The following CFAP299 variants were observed in gnomAD, a reference collection of about 807,000 sequenced individuals.
CFAP299 encodes the protein cilia and flagella associated protein 299.
CFAP299 carries 21 observed loss-of-function variants against 27.0 expected under a neutral mutation model. The observed-to-expected ratio is 0.78, with a 90% CI of 0.55 to 1.12. The LOEUF (loss-of-function observed/expected upper bound fraction) is 1.12. Among genes scored for constraint, CFAP299 ranks in the 50% most tolerant of loss-of-function variants. The pLI is 0.00. For synonymous variants in CFAP299, 104 were observed against 98.1 expected, an observed-to-expected ratio of 1.06 and a Z score of -0.36; for missense variants, 310 against 276.6, an observed-to-expected ratio of 1.12 and a Z score of -0.86.
chr4:80,916,786 C>G (rs972425217), intron 4 of CFAP299, among the ~76,000 whole-genome samples: 1 of 151,838 alleles, frequency 6.6e-6, no homozygotes, highest in Non-Finnish European at 1.5e-5. Flanking sequence ...GCCAAACTGC[C>G]AGTTACAATT....
chr4:80,884,648 G>A (rs1290063358), intron 4 of CFAP299, among the ~76,000 whole-genome samples: 14 of 29,802 alleles, frequency 4.7e-4, no homozygotes, highest in South Asian at 2.1e-3. Context: ...ATTATATAGC[G>A]AATACCAAAA....
chr4:80,437,342 C>G (rs557804566), intron 2 of CFAP299, among the ~76,000 whole-genome samples: 28 of 152,226 alleles, frequency 1.8e-4, no homozygotes, highest in South Asian at 1.5e-3. Context: ...TACTAATAAG[C>G]TAGCCTGCAA....
At chr4:80,886,033 T>C (rs772351392) in intron 4 of CFAP299, among the ~76,000 whole-genome samples, 25 of 152,046 alleles carry the variant, frequency 1.6e-4, no homozygotes, top group Non-Finnish European at 3.4e-4. Flanking sequence ...AAAAGAGCCC[T>C]TGGGTTTTAA....
intron 1 of CFAP299, among the ~76,000 whole-genome samples, chr4:80,358,151 T>C (rs972711686): frequency 2.6e-5 from 4 of 151,872 alleles, no homozygotes; most frequent in Non-Finnish European, 4.4e-5. Flanking sequence ...ATGGTTTTGA[T>C]TGAATTTTTT....
chr4:80,544,068 A>G (rs1004633054), intron 2 of CFAP299, among the ~76,000 whole-genome samples: 1 of 152,236 alleles, frequency 6.6e-6, no homozygotes, highest in African/African-American at 2.4e-5. Flanking sequence ...CTTAAAGCAA[A>G]GAAATTCCGA....
At chr4:80,401,815 C>T (rs910874833) in intron 2 of CFAP299, among the ~76,000 whole-genome samples, 3 of 152,176 alleles carry the variant, frequency 2.0e-5, no homozygotes, top group Admixed American at 6.5e-5. Context: ...AAGCCATAGA[C>T]ACTCAATGCC....
At chr4:80,535,870 C>T (rs2110192988) in intron 2 of CFAP299, among the ~76,000 whole-genome samples, 1 of 152,258 alleles carries the variant, frequency 6.6e-6, no homozygotes, top group East Asian at 1.9e-4. Context: ...AGTTGGCCAC[C>T]TCTAGAGTAT....
intron 2 of CFAP299, chr4:80,386,314 C>T: frequency 7.6e-7 from 1 of 1,314,490 alleles, no homozygotes; most frequent in Non-Finnish European, 1.1e-6. Context: ...GATTCTGTGC[C>T]CACCGCACCA....
intron 2 of CFAP299, among the ~76,000 whole-genome samples, chr4:80,550,450 C>A (rs964002525): frequency 6.6e-6 from 1 of 152,040 alleles, no homozygotes; most frequent in South Asian, 2.1e-4. Flanking sequence ...TTTGACTGAT[C>A]TGATATAGAC....
chr4:80,329,047 G>A, the CFAP299 span, among the ~76,000 whole-genome samples: 124,913 of 151,774 alleles, frequency 0.82, 51,573 homozygotes, highest in African/African-American at 0.89. Flanking sequence ...TACATTCATA[G>A]GCTTTCTTAA....
chr4:80,906,195 T>C (rs1735177043), intron 4 of CFAP299, among the ~76,000 whole-genome samples: 1 of 152,110 alleles, frequency 6.6e-6, no homozygotes, highest in Admixed American at 6.5e-5. Flanking sequence ...CAAAATCCAA[T>C]AGGGCAGTCA....
intron 2 of CFAP299, among the ~76,000 whole-genome samples, chr4:80,363,979 C>G (rs995636083): frequency 6.6e-6 from 1 of 151,750 alleles, no homozygotes; most frequent in Non-Finnish European, 1.5e-5. Context: ...CCCAGTTACT[C>G]AGGAGGCTGA....
chr4:80,403,508 C>T (rs1183837603), intron 2 of CFAP299, among the ~76,000 whole-genome samples: 1 of 152,142 alleles, frequency 6.6e-6, no homozygotes, highest in Non-Finnish European at 1.5e-5. Flanking sequence ...GCTCCTAACA[C>T]AGGCCCTTTG....
At chr4:80,756,467 C>G (rs1217459597) in intron 3 of CFAP299, among the ~76,000 whole-genome samples, 1 of 151,944 alleles carries the variant, frequency 6.6e-6, no homozygotes, top group Non-Finnish European at 1.5e-5. Flanking sequence ...GGACCACAAG[C>G]CAAATGCAGT....
intron 2 of CFAP299, among the ~76,000 whole-genome samples, chr4:80,429,387 A>C (rs1319803576): frequency 6.6e-6 from 1 of 152,206 alleles, no homozygotes; most frequent in Non-Finnish European, 1.5e-5. Context: ...GATATATCTT[A>C]TGTATCTTAG....
intron 3 of CFAP299, among the ~76,000 whole-genome samples, chr4:80,701,557 A>G (rs1442270364): frequency 6.6e-6 from 1 of 151,952 alleles, no homozygotes; most frequent in Non-Finnish European, 1.5e-5. Context: ...CCATTTATCT[A>G]CACTGGTTTT....
intron 3 of CFAP299, among the ~76,000 whole-genome samples, chr4:80,869,489 A>G (rs571678883): frequency 6.6e-6 from 1 of 152,160 alleles, no homozygotes; most frequent in Non-Finnish European, 1.5e-5. Context: ...TCGTTTTTCA[A>G]CTGGAATATT....
At chr4:80,605,279 C>A (rs940810444) in intron 3 of CFAP299, among the ~76,000 whole-genome samples, 1 of 152,038 alleles carries the variant, frequency 6.6e-6, no homozygotes, top group Non-Finnish European at 1.5e-5. Flanking sequence ...TAGTTTTCAG[C>A]CAAATGCTTA....
chr4:80,586,173 G>C (rs1736427124), intron 3 of CFAP299, among the ~76,000 whole-genome samples: 1 of 151,934 alleles, frequency 6.6e-6, no homozygotes, highest in African/African-American at 2.4e-5. Context: ...AATTAAAAGA[G>C]TAACCTCATC....
Sources: allele counts gnomAD v4.1 joint callset (sites outside exome capture counted in the v4.1 genomes callset), GRCh38; gene constraint gnomAD v4.1.1; transcripts MANE v1.5; gene names NCBI Gene and HGNC (gene_info 2026-07-23, HGNC 2026-07-21).